Variants in GLOD4 observed in about 807,000 individuals in gnomAD.
GLOD4 encodes glyoxalase domain-containing protein 4.
A neutral mutation model predicts 39.1 loss-of-function variants in GLOD4; 44 were observed. The ratio of observed to expected loss-of-function variants is 1.13; its 90% CI spans 0.88 to 1.45. The LOEUF (loss-of-function observed/expected upper bound fraction) is 1.45. GLOD4 is among the 40% of genes most tolerant of loss of function. The pLI is 0.00. For synonymous variants in GLOD4, 145 were observed against 135.0 expected (o/e 1.07, Z -0.52); for missense variants, 405 against 366.4 (o/e 1.11, Z -0.86).
chr17:782,473 C>G (rs1400750610), upstream of GLOD4: 6 of 1,613,654 alleles, frequency 3.7e-6, no homozygotes, highest in Non-Finnish European at 5.1e-6. Flanking sequence ...TGGGTCCGGG[C>G]GCTGCGGCGG....
At chr17:768,015 G>A (rs1309509224) in intron 8 of GLOD4, among the ~76,000 whole-genome samples, 40 of 132,500 alleles carry the variant, frequency 3.0e-4, no homozygotes, top group African/African-American at 8.5e-4. Context: ...GAAACAGCGC[G>A]CACTCAGATT....
chr17:761,210 TCAG>T (rs1283298510), intron 8 of GLOD4, among the ~76,000 whole-genome samples: 1 of 152,084 alleles, frequency 6.6e-6, no homozygotes, highest in Non-Finnish European at 1.5e-5. Flanking sequence ...AATATCTACC[TCAG>T]CAGGAAGTCA....
At chr17:781,017 T>C (rs1200029546) in intron 1 of GLOD4, among the ~76,000 whole-genome samples, 1 of 147,814 alleles carries the variant, frequency 6.8e-6, no homozygotes, top group Non-Finnish European at 1.5e-5. Context: ...GCCTCCCAGA[T>C]ACAGGCGATT....
intron 1 of GLOD4, 118 bp downstream of exon 1, chr17:782,048 G>C (rs1159530919): frequency 4.3e-6 from 3 of 694,302 alleles, no homozygotes; most frequent in Non-Finnish European, 7.2e-6. Context: ...CAGGGCCTAA[G>C]GTCGGACACC....
rs1338272704 is a variant in GLOD4 at position 760,245 on chromosome 17, A to C, written c.832-7T>G. 1 of 1,505,754 alleles carries C rather than the reference A, an allele frequency of 6.6e-7. No homozygotes were observed. The highest frequency in any genetic ancestry group is 1.4e-5 in the African/African-American group (1 of 72,864). The allele number at this position is 1,505,754 out of a possible 1,614,324, so 93.3% of individuals were successfully genotyped here. On this transcript the variant is annotated splice_region_variant and splice_polypyrimidine_tract_variant and intron_variant, in intron 8 of 8. Transcript: ENST00000301329. ...TTTTATCTGCTGCCATTGCCTGTAA[A>C]ATAGAAATAGAATATACACTGACTC... is the stretch of plus-strand genomic sequence containing the variant.
Position 760,108 on chromosome 17 carries a change from G to T in GLOD4, c.*65C>A. On this transcript the variant is annotated 3_prime_UTR_variant, in exon 9 of 9. Coordinates refer to ENST00000301329, the MANE Select transcript of GLOD4 (RefSeq NM_016080.4). ...ATCAGAAGAGCATTTATTGGGAACT[G>T]ACACGTCAGGCCTCACAGGTGCTGG... 1.1e-6 allele frequency: 1 copy of T among 897,292 alleles called. No individual in the cohort carries two copies. Among genetic ancestry groups the T allele is most frequent in the Non-Finnish European group, 1.9e-6 (1 of 528,838 alleles). 55.6% of individuals were successfully genotyped at this position (897,292 alleles called of 1,614,324 possible).
chr17:766,511 G>A (rs1259157415), intron 8 of GLOD4, among the ~76,000 whole-genome samples: 1 of 151,322 alleles, frequency 6.6e-6, no homozygotes, highest in African/African-American at 2.4e-5. Context: ...CAGGAGAATC[G>A]CTTGATCCCG....
Position 776,983 on chromosome 17 carries a change from T to C in GLOD4, c.146A>G (p.Tyr49Cys). Residue 49 changes from tyrosine (Y) to cysteine (C), a missense_variant, in exon 3 of 9, where the codon TAT (tyrosine) becomes TGT (cysteine). Tyr to Cys is a radical substitution (Grantham distance 194). Coordinates refer to ENST00000301329, the MANE Select transcript of GLOD4 (RefSeq NM_016080.4). ...EGCKAACNGP[Y>C]DGKWSKTMVG... is the part of the protein sequence containing the mutation. ...CATTGTTTTACTCCATTTCCCATCA[T>C]AAGGCCTAGAAAATAAAAGTAAATG... 1 of 1,610,314 alleles carries C rather than the reference T, an allele frequency of 6.2e-7. No homozygotes were observed. Among genetic ancestry groups the C allele is most frequent in the South Asian group, 1.1e-5 (1 of 90,996 alleles).
At chr17:775,508 A>G (rs1908750448) in intron 4 of GLOD4, among the ~76,000 whole-genome samples, 1 of 152,242 alleles carries the variant, frequency 6.6e-6, no homozygotes, top group African/African-American at 2.4e-5. Context: ...ATAACTGTTC[A>G]AAGTAGTTGG....
intron 8 of GLOD4, among the ~76,000 whole-genome samples, chr17:762,213 A>G (rs1905578874): frequency 6.6e-6 from 1 of 152,250 alleles, no homozygotes; most frequent in African/African-American, 2.4e-5. Context: ...GAGGAGAAAT[A>G]ATGGTCAAAA....
Position 770,475 on chromosome 17 carries a change from C to G in GLOD4, c.576G>C (p.Gly192=). ...TTCCAAAAGCTGCTGCATGGTCCACCCCACCCTTGACGCCCTGTAGCTCCA... is the reference window on the plus strand; with the variant it reads ...TTCCAAAAGCTGCTGCATGGTCCACGCCACCCTTGACGCCCTGTAGCTCCA... ...CKLELQGVKG[G]VDHAAAFGRI... Residue 192 remains glycine (G), a synonymous_variant, in exon 6 of 9, where the codon GGG becomes GGC. Coordinates refer to ENST00000301329, the MANE Select transcript of GLOD4 (RefSeq NM_016080.4). 1 of 1,593,756 alleles carries G rather than the reference C, an allele frequency of 6.3e-7. No homozygotes were observed. Among genetic ancestry groups the G allele is most frequent in the Non-Finnish European group, 8.6e-7 (1 of 1,161,386 alleles).
intron 4 of GLOD4, among the ~76,000 whole-genome samples, chr17:771,686 ACTGAGAC>A (rs1849943185): frequency 1.3e-5 from 2 of 152,138 alleles, no homozygotes; most frequent in African/African-American, 4.8e-5. Context: ...CAGGTAAAAC[ACTGAGAC>A]CTTGCCTGTA....
chr17:766,971 G>A (rs550997358), intron 8 of GLOD4, among the ~76,000 whole-genome samples: 6 of 152,356 alleles, frequency 3.9e-5, no homozygotes, highest in African/African-American at 1.4e-4. Flanking sequence ...TTTGTCAGCT[G>A]AGAGGATGAC....
chr17:772,187 GAAA>G (rs58914913), intron 4 of GLOD4, among the ~76,000 whole-genome samples: 1 of 50,854 alleles, frequency 2.0e-5, no homozygotes, highest in Admixed American at 3.3e-4. Flanking sequence ...ACCCTATCTC[GAAA>G]AAAAAAAAAA....
chr17:783,427 C>G, upstream of GLOD4: 1 of 1,240,352 alleles, frequency 8.1e-7, no homozygotes, highest in Non-Finnish European at 1.1e-6. Context: ...ACCTCCGCCT[C>G]TCGGGTTCAA....
chr17:782,335 C>A (rs975740029), upstream of GLOD4: 2 of 1,611,950 alleles, frequency 1.2e-6, no homozygotes, highest in Admixed American at 1.7e-5. Flanking sequence ...CGTCACTAGC[C>A]GCCGACGGCG....
intron 1 of GLOD4, among the ~76,000 whole-genome samples, chr17:779,556 T>C (rs1909522493): frequency 6.6e-6 from 1 of 151,324 alleles, no homozygotes; most frequent in Non-Finnish European, 1.5e-5. Context: ...GAGAATTGCT[T>C]GAACACGGGA....
At chr17:775,654 C>G in intron 4 of GLOD4, 121 bp downstream of exon 4, 1 of 769,296 alleles carries the variant, frequency 1.3e-6, no homozygotes, top group Non-Finnish European at 2.2e-6. Flanking sequence ...GGTAAAAGCA[C>G]TGGCTGGGGA....
rs187968041 is a variant in GLOD4 at position 776,823 on chromosome 17, C to T, written c.261+45G>A. 1,126 of 1,498,838 alleles carry T rather than the reference C, an allele frequency of 7.5e-4. 17 individuals carry two copies. The South Asian group carries it at 0.012, about 16-fold the overall frequency. The allele number at this position is 1,498,838 out of a possible 1,614,324, so 92.8% of individuals were successfully genotyped here. ...CACTCTACTCAAATTTACAACCAGC[C>T]ACCTACCCCCAGCCAAAACTCTGCT... On this transcript the variant is annotated intron_variant, in intron 3 of 8. Coordinates refer to ENST00000301329, the MANE Select transcript of GLOD4 (RefSeq NM_016080.4).
Sources: allele counts gnomAD v4.1 joint callset (sites outside exome capture counted in the v4.1 genomes callset), GRCh38; gene constraint gnomAD v4.1.1; transcripts MANE v1.5; gene names NCBI Gene and HGNC (gene_info 2026-07-23, HGNC 2026-07-21).